GDF5: variants seen among roughly 807,000 people sequenced by gnomAD.
GDF5 encodes the protein growth differentiation factor 5, also known as growth/differentiation factor 5.
GDF5 carries 17 observed loss-of-function variants against 34.6 expected under a neutral mutation model. The ratio of observed to expected loss-of-function variants is 0.49; its 90% CI spans 0.34 to 0.74. GDF5 has a LOEUF of 0.74. GDF5 is among the 30% of genes least tolerant of loss of function. The pLI is 0.01. For missense variants in GDF5, 616 were observed against 661.2 expected (o/e 0.93, Z 0.75); for synonymous variants, 332 against 290.7 (o/e 1.14, Z -1.44).
intron 1 of GDF5, among the ~76,000 whole-genome samples, chr20:35,436,532 G>C (rs979933179): frequency 6.6e-6 from 1 of 152,180 alleles, no homozygotes; most frequent in Non-Finnish European, 1.5e-5. Flanking sequence ...AGCAAGTGGA[G>C]AGGAAAAGCT....
chr20:35,434,693 A>G lies in GDF5; in HGVS notation c.722T>C (p.Ile241Thr). Residue 241 changes from isoleucine to threonine, a missense_variant, in exon 2 of 2, where the codon ATC becomes ACC. Transcript: ENST00000374369. ...CGTGTCCGAGGGCTTCTTCCGCAAG[A>G]TCCGCAGCTCGGCCCCCAGCAGCCC... Reference protein sequence around the residue: ...KDGLLGAELRILRKKPSDTAK... With the variant: ...KDGLLGAELRTLRKKPSDTAK... The G allele has an allele frequency of 6.2e-7, 1 of 1,612,916 alleles. No homozygotes were observed. The highest frequency in any genetic ancestry group is 2.2e-5 in the East Asian group (1 of 44,862).
chr20:35,445,837 G>A (rs1236924444), intron 1 of GDF5, among the ~76,000 whole-genome samples: 2 of 150,438 alleles, frequency 1.3e-5, no homozygotes, highest in Admixed American at 6.7e-5. Flanking sequence ...GGGTGTGGTG[G>A]TGCATGCCTG....
chr20:35,449,422 G>A (rs2062523897), intron 1 of GDF5, among the ~76,000 whole-genome samples: 1 of 152,052 alleles, frequency 6.6e-6, no homozygotes, highest in African/African-American at 2.4e-5. Flanking sequence ...GACTACAGTA[G>A]TGCACCACCA....
At chr20:35,451,071 A>ATATATATATATATT (rs2062531088) in intron 1 of GDF5, among the ~76,000 whole-genome samples, 1 of 39,680 alleles carries the variant, frequency 2.5e-5, no homozygotes, top group Non-Finnish European at 4.2e-5. Flanking sequence ...AAAAATATAT[A>ATATATATATATATT]TATATATATA....
chr20:35,437,313 T>G lies in GDF5; in HGVS notation c.616A>C (p.Ile206Leu). 1 of 1,610,270 alleles carries G rather than the reference T, an allele frequency of 6.2e-7. No individual in the cohort carries two copies. Among genetic ancestry groups the G allele is most frequent in the Non-Finnish European group, 8.5e-7 (1 of 1,177,234 alleles). ...GCCCCCTCACCTTGCCCTTTGTCAATAAAGCTGGTGATGGTGTTGGCCAGG... is the reference window on the plus strand; with the variant it reads ...GCCCCCTCACCTTGCCCTTTGTCAAGAAAGCTGGTGATGGTGTTGGCCAGG... ...AGLANTITSF[I>L]DKGQDDRGPV... Residue 206 changes from isoleucine (I) to leucine (L), a missense_variant, in exon 1 of 2, where the codon ATT (isoleucine) becomes CTT (leucine). Ile to Leu is a conservative substitution (Grantham distance 5, BLOSUM62 2). Transcript: ENST00000374369.
chr20:35,438,097 G>T lies in GDF5; in HGVS notation c.-169C>A. 4.0e-6 allele frequency: 3 copies of T among 747,262 alleles called. No individual in the cohort carries two copies. The highest frequency in any genetic ancestry group is 6.8e-6 in the Non-Finnish European group (3 of 441,928). The allele number at this position is 747,262 out of a possible 1,614,324, so 46.3% of individuals were successfully genotyped here. A position where few individuals can be genotyped will look rare whatever the true frequency, so the allele number is the denominator to read the frequency against. On this transcript the variant is annotated 5_prime_UTR_variant, in exon 1 of 2. Transcript: ENST00000374369. ...CAGTCTGAGACTCTTGAAGTCTGCC[G>T]GGTGTGTGTTTGTATCCAGTCCCAT...
intron 1 of GDF5, among the ~76,000 whole-genome samples, chr20:35,437,008 T>C (rs2062475091): frequency 6.6e-6 from 1 of 152,212 alleles, no homozygotes; most frequent in African/African-American, 2.4e-5. Flanking sequence ...CGGAATCTGG[T>C]CTCCAACTCT....
chr20:35,443,466 G>A (rs970882969), intron 1 of GDF5, among the ~76,000 whole-genome samples: 1 of 151,928 alleles, frequency 6.6e-6, no homozygotes, highest in African/African-American at 2.4e-5. Context: ...TCTCATTGCT[G>A]TTCCATAAAC....
At chr20:35,445,920 G>C (rs1372852665) in intron 1 of GDF5, among the ~76,000 whole-genome samples, 3 of 152,078 alleles carry the variant, frequency 2.0e-5, no homozygotes, top group South Asian at 2.1e-4. Flanking sequence ...AGTGAGCTGA[G>C]ATCGCGCCAT....
At chr20:35,436,396 A>G (rs1046692278) in intron 1 of GDF5, among the ~76,000 whole-genome samples, 1 of 31,548 alleles carries the variant, frequency 3.2e-5, no homozygotes, top group Non-Finnish European at 6.4e-5. Flanking sequence ...CCCCTCCCCC[A>G]CCCTGCCAGC....
intron 1 of GDF5, 73 bp from the exon 2 acceptor site, chr20:35,434,856 A>C: frequency 6.8e-7 from 1 of 1,475,796 alleles, no homozygotes; most frequent in Non-Finnish European, 9.5e-7. Context: ...CTGCGGGGGA[A>C]GGCCCCAGCT....
chr20:35,446,834 A>G (rs1414037885), intron 1 of GDF5, among the ~76,000 whole-genome samples: 4 of 152,080 alleles, frequency 2.6e-5, no homozygotes, highest in Admixed American at 6.6e-5. Flanking sequence ...AGGAGCTGGC[A>G]GGGAGGAAAG....
chr20:35,436,592 C>G (rs1181309644), intron 1 of GDF5, among the ~76,000 whole-genome samples: 1 of 152,140 alleles, frequency 6.6e-6, no homozygotes, highest in African/African-American at 2.4e-5. Flanking sequence ...AGCAGGTAGT[C>G]TCTGGAGTTA....
At chr20:35,440,815 C>T (rs991654004), upstream of GDF5, among the ~76,000 whole-genome samples, 5 of 152,286 alleles carry the variant, frequency 3.3e-5, no homozygotes, top group Non-Finnish European at 5.9e-5. Context: ...CTAGACTGTG[C>T]CATATTTATC....
intron 1 of GDF5, among the ~76,000 whole-genome samples, chr20:35,436,736 C>T (rs919760089): frequency 2.6e-5 from 4 of 152,226 alleles, no homozygotes; most frequent in African/African-American, 9.6e-5. Context: ...AGGAGCTTTC[C>T]CAAGGTCATA....
upstream of GDF5, among the ~76,000 whole-genome samples, chr20:35,440,379 C>T (rs6060420): frequency 9.7e-3 from 1,469 of 151,818 alleles, 12 homozygotes; most frequent in African/African-American, 0.025. Flanking sequence ...CCCACTGAAC[C>T]AGTCCTCTCT....
At chr20:35,448,819 CTGAG>C (rs2062522156) in intron 1 of GDF5, among the ~76,000 whole-genome samples, 1 of 152,162 alleles carries the variant, frequency 6.6e-6, no homozygotes, top group Non-Finnish European at 1.5e-5. Context: ...TGCCCAAGCC[CTGAG>C]TGATAGTGAA....
At chr20:35,451,234 T>C (rs1400543683) in intron 1 of GDF5, among the ~76,000 whole-genome samples, 1 of 151,476 alleles carries the variant, frequency 6.6e-6, no homozygotes, top group East Asian at 1.9e-4. Context: ...CAAGGCTGGG[T>C]GTAGGAAAGA....
Position 35,434,643 on chromosome 20 carries a change from C to G in GDF5, c.772G>C (p.Gly258Arg), listed in dbSNP as rs777456851. 6.2e-7 allele frequency: 1 copy of G among 1,608,542 alleles called. No homozygotes were observed. The highest frequency in any genetic ancestry group is 8.5e-7 in the Non-Finnish European group (1 of 1,176,166). ...GACAGCTTCAGCTGGGCAGCCCGCC[C>G]GCCTCCGGGGGCCGCTGGCTTGGCC... ...DTAKPAAPGG[G>R]RAAQLKLSSC... Residue 258 changes from glycine to arginine, a missense_variant, in exon 2 of 2, where the codon GGG becomes CGG. Physicochemically the swap from Gly to Arg is moderately radical, Grantham distance 125 (BLOSUM62 -2). Transcript: ENST00000374369.
Sources: allele counts gnomAD v4.1 joint callset (sites outside exome capture counted in the v4.1 genomes callset), GRCh38; gene constraint gnomAD v4.1.1; transcripts MANE v1.5; gene names NCBI Gene and HGNC (gene_info 2026-07-23, HGNC 2026-07-21).